MYT1L: variants seen among roughly 807,000 people sequenced by gnomAD.
MYT1L encodes the protein myelin transcription factor 1-like protein.
MYT1L carries 12 observed loss-of-function variants against 126.7 expected under a neutral mutation model. The observed-to-expected ratio is 0.09, with a 90% CI of 0.06 to 0.15. MYT1L has a LOEUF of 0.15. Ranked by LOEUF, MYT1L falls within the 10% of genes least tolerant of loss-of-function variation. The pLI, the probability that MYT1L is intolerant of heterozygous loss-of-function variation, is 1.00. For missense variants in MYT1L, 979 were observed against 1,585.2 expected, an observed-to-expected ratio of 0.62 and a Z score of 6.49; for synonymous variants, 541 against 604.2, an observed-to-expected ratio of 0.90 and a Z score of 1.53.
chr2:1,983,625 C>G (rs954913955), intron 5 of MYT1L, among the ~76,000 whole-genome samples: 2 of 152,220 alleles, frequency 1.3e-5, no homozygotes, highest in Admixed American at 6.5e-5. Flanking sequence ...TCTCTCCTAC[C>G]CGCCTGAAAA....
intron 1 of MYT1L, among the ~76,000 whole-genome samples, chr2:2,288,203 A>G (rs1169374768): frequency 1.3e-5 from 2 of 152,218 alleles, no homozygotes; most frequent in Non-Finnish European, 2.9e-5. Flanking sequence ...CATCAGTTTT[A>G]CAGATCACAG....
At chr2:1,799,292 A>G (rs2034389752) in intron 23 of MYT1L, among the ~76,000 whole-genome samples, 1 of 152,182 alleles carries the variant, frequency 6.6e-6, no homozygotes, top group African/African-American at 2.4e-5. Flanking sequence ...GTGTTTCCTG[A>G]GGGGGAGGCC....
At position 2,140,520 on chromosome 2, in the gene MYT1L, C is replaced by T. The variant is rs184402710; in HGVS notation, c.-304+32352G>A. Among the ~76,000 whole-genome samples, 169 of 150,660 alleles carry T rather than the reference C, an allele frequency of 1.1e-3. 1 individual carries two copies. The highest frequency in any genetic ancestry group is 3.5e-3 in the African/African-American group (143 of 40,976). ...CACGATCCTGGATCACTACAACCTC[C>T]GCCTCCCTGGTTCAAGGGATTCTCA... is the stretch of plus-strand genomic sequence containing the variant. On this transcript the variant is annotated intron_variant, in intron 3 of 24. Transcript: ENST00000647738.
chr2:1,992,981 G>T (rs2061556397), intron 5 of MYT1L, among the ~76,000 whole-genome samples: 1 of 152,034 alleles, frequency 6.6e-6, no homozygotes, highest in African/African-American at 2.4e-5. Context: ...CCCAACCCAG[G>T]AACTGACTGA....
chr2:1,930,515 G>C (rs978404128), intron 9 of MYT1L, among the ~76,000 whole-genome samples: 8 of 152,134 alleles, frequency 5.3e-5, no homozygotes, highest in African/African-American at 1.9e-4. Context: ...AAATACTGGT[G>C]AGGTACCCAC....
At chr2:2,015,003 C>A (rs1480519335) in intron 4 of MYT1L, among the ~76,000 whole-genome samples, 7 of 152,158 alleles carry the variant, frequency 4.6e-5, no homozygotes, top group Admixed American at 4.6e-4. Context: ...AGTGACACAG[C>A]GTTAAAATCA....
At chr2:2,162,311 G>C (rs1379226762) in intron 3 of MYT1L, among the ~76,000 whole-genome samples, 1 of 151,676 alleles carries the variant, frequency 6.6e-6, no homozygotes, top group African/African-American at 2.4e-5. Context: ...CGGAGAAAGG[G>C]GTCAGGTGGG....
chr2:1,872,509 A>C (rs149109504), intron 18 of MYT1L, among the ~76,000 whole-genome samples: 3 of 152,350 alleles, frequency 2.0e-5, no homozygotes, highest in African/African-American at 7.2e-5. Context: ...CTGATCTACA[A>C]GTCTGAATAT....
At chr2:2,168,492 A>G (rs939759347) in intron 3 of MYT1L, among the ~76,000 whole-genome samples, 2 of 152,212 alleles carry the variant, frequency 1.3e-5, no homozygotes, top group Non-Finnish European at 2.9e-5. Flanking sequence ...CTAAATTGTG[A>G]GCAAATGAAA....
At chr2:2,218,906 C>A (rs2093771066) in intron 2 of MYT1L, among the ~76,000 whole-genome samples, 1 of 152,194 alleles carries the variant, frequency 6.6e-6, no homozygotes, top group South Asian at 2.1e-4. Context: ...ATGTTACCAA[C>A]ACTGCTGGCT....
intron 2 of MYT1L, among the ~76,000 whole-genome samples, chr2:2,232,277 C>T (rs764759910): frequency 3.9e-5 from 6 of 152,222 alleles, no homozygotes; most frequent in Non-Finnish European, 7.3e-5. Context: ...TTGCAACAAG[C>T]AGCTCTGCCC....
Position 2,003,991 on chromosome 2 carries a change from G to A in MYT1L, c.-157-6644C>T, listed in dbSNP as rs1004152195. 5.6e-4 allele frequency among the ~76,000 whole-genome samples: 83 copies of A among 148,478 alleles called. 2 individuals are homozygous for A. The highest frequency in any genetic ancestry group is 1.5e-3 in the African/African-American group (60 of 39,722). ...CCTGCAGGCATTCTTTCCTGCAAGC[G>A]TTCTTTCCTGCATGCCTTCTTTCCT... On this transcript the variant is annotated intron_variant, in intron 4 of 24. Transcript: ENST00000647738.
chr2:2,208,952 T>G (rs1045037625), intron 2 of MYT1L, among the ~76,000 whole-genome samples: 8 of 107,404 alleles, frequency 7.4e-5, no homozygotes, highest in Non-Finnish European at 6.1e-5. Flanking sequence ...CTTTCCATCA[T>G]TTTTCAAATG....
intron 19 of MYT1L, among the ~76,000 whole-genome samples, chr2:1,843,623 T>C (rs1164558737): frequency 6.6e-6 from 1 of 151,054 alleles, no homozygotes; most frequent in Non-Finnish European, 1.5e-5. Flanking sequence ...CTAGGGAGAA[T>C]TACGGTATCC....
chr2:2,172,268 A>C (rs1434359354), intron 3 of MYT1L, among the ~76,000 whole-genome samples: 1 of 152,080 alleles, frequency 6.6e-6, no homozygotes, highest in Non-Finnish European at 1.5e-5. Context: ...CTTCTGCTGC[A>C]AGTGTAGATT....
rs1011130261 is a variant in MYT1L, at chr2:2,145,378, T to A, written c.-304+27494A>T. Among the ~76,000 whole-genome samples the A allele has an allele frequency of 2.0e-5, 3 of 152,200 alleles. No homozygotes were observed. In the South Asian group the frequency reaches 6.2e-4, roughly 31 times the overall value. The stretch of plus-strand genomic sequence containing the variant: ...ACACGCCGTCCAGCGCTCTAACCTG[T>A]GTCTGAGACAGAGACCTAAGTGGCA... On this transcript the variant is annotated intron_variant, in intron 3 of 24. Transcript: ENST00000647738.
intron 4 of MYT1L, among the ~76,000 whole-genome samples, chr2:2,043,876 A>G (rs974166058): frequency 2.0e-5 from 3 of 152,386 alleles, no homozygotes; most frequent in Admixed American, 6.5e-5. Flanking sequence ...TCTATTAAAC[A>G]TAAGGCAAAA....
chr2:1,868,496 G>A (rs1449317600), intron 18 of MYT1L, among the ~76,000 whole-genome samples: 1 of 152,210 alleles, frequency 6.6e-6, no homozygotes, highest in Non-Finnish European at 1.5e-5. Flanking sequence ...TAGAGGATGA[G>A]AGGCTTGCAG....
chr2:1,853,834 A>G (rs1033802439), intron 18 of MYT1L, among the ~76,000 whole-genome samples: 4 of 148,270 alleles, frequency 2.7e-5, no homozygotes, highest in African/African-American at 9.9e-5. Flanking sequence ...AAAGTGAGAT[A>G]TTATAGCCAA....
Sources: allele counts gnomAD v4.1 joint callset (sites outside exome capture counted in the v4.1 genomes callset), GRCh38; gene constraint gnomAD v4.1.1; transcripts MANE v1.5; gene names NCBI Gene and HGNC (gene_info 2026-07-23, HGNC 2026-07-21).